ARHGAP22: variants seen among roughly 807,000 people sequenced by gnomAD.
ARHGAP22 encodes rho GTPase-activating protein 22.
A neutral mutation model predicts 59.1 loss-of-function variants in ARHGAP22; 48 were observed. That is an observed-to-expected ratio of 0.81 (90% CI 0.64 to 1.03). The LOEUF (loss-of-function observed/expected upper bound fraction) is 1.03. Among genes scored for constraint, ARHGAP22 ranks in the 50% least tolerant of loss-of-function variants. The pLI is 0.00. For missense variants in ARHGAP22, 1,015 were observed against 958.7 expected (o/e 1.06, Z -0.78); for synonymous variants, 445 against 416.4 (o/e 1.07, Z -0.84).
chr10:48,624,769 G>A (rs1173230059), intron 1 of ARHGAP22, among the ~76,000 whole-genome samples: 1 of 152,208 alleles, frequency 6.6e-6, no homozygotes, highest in Non-Finnish European at 1.5e-5. Flanking sequence ...AGCACAGGTT[G>A]GAGATCAGCT....
the ARHGAP22 span, chr10:48,436,681 A>T: frequency 2.0e-5 from 3 of 152,248 alleles, no homozygotes; most frequent in Admixed American, 6.5e-5. Context: ...GATATTTTAC[A>T]TCACTGTTAA....
chr10:48,433,298 C>A, the ARHGAP22 span, among the ~76,000 whole-genome samples: 2 of 152,222 alleles, frequency 1.3e-5, no homozygotes, highest in Admixed American at 1.3e-4. Flanking sequence ...AAATAATAGA[C>A]CCTGAACTAG....
intron 1 of ARHGAP22, among the ~76,000 whole-genome samples, chr10:48,630,288 C>T (rs1589242515): frequency 6.6e-6 from 1 of 152,098 alleles, no homozygotes; most frequent in South Asian, 2.1e-4. Context: ...GATGGGGTTT[C>T]ACCATGTTGG....
chr10:48,480,754 C>G (rs1162724536), intron 3 of ARHGAP22, among the ~76,000 whole-genome samples: 4 of 152,270 alleles, frequency 2.6e-5, no homozygotes, highest in African/African-American at 7.2e-5. Context: ...CTATTTCCAA[C>G]CACATTTTAC....
At chr10:48,646,425 T>C (rs144096571) in intron 1 of ARHGAP22, among the ~76,000 whole-genome samples, 3 of 152,354 alleles carry the variant, frequency 2.0e-5, no homozygotes, top group Admixed American at 6.5e-5. Context: ...TACCTATTTT[T>C]ACATTTTCTC....
chr10:48,580,347 C>CT (rs2059030675), intron 2 of ARHGAP22, among the ~76,000 whole-genome samples: 1 of 152,134 alleles, frequency 6.6e-6, no homozygotes, highest in East Asian at 1.9e-4. Context: ...ATAGAGGTTC[C>CT]TTATGGAGCT....
At chr10:48,550,038 G>A (rs968637251) in intron 3 of ARHGAP22, among the ~76,000 whole-genome samples, 2 of 152,178 alleles carry the variant, frequency 1.3e-5, no homozygotes, top group Admixed American at 1.3e-4. Flanking sequence ...TGTGCTGAGC[G>A]CCTTGGAACT....
At chr10:48,646,759 T>C (rs908657112) in intron 1 of ARHGAP22, among the ~76,000 whole-genome samples, 5 of 152,214 alleles carry the variant, frequency 3.3e-5, no homozygotes, top group African/African-American at 9.6e-5. Context: ...GCTCTAAATG[T>C]AGATGCTAAA....
intron 1 of ARHGAP22, among the ~76,000 whole-genome samples, chr10:48,643,232 T>C (rs547749148): frequency 9.2e-5 from 14 of 152,290 alleles, no homozygotes; most frequent in Non-Finnish European, 1.3e-4. Flanking sequence ...AGCCATCCCA[T>C]TACTGGGTAT....
In ARHGAP22 at chr10:48,591,275, G is replaced by A. The variant is rs550027014; in HGVS notation, c.35-8123C>T. Among the ~76,000 whole-genome samples, 10 of 152,320 alleles carry A rather than the reference G, an allele frequency of 6.6e-5. No homozygotes were observed. In the South Asian group the frequency reaches 2.1e-3, roughly 32 times the overall value. On this transcript the variant is annotated intron_variant, in intron 1 of 9. Transcript: ENST00000249601. ...GTCAAAACCCTGGGTGTAGGCAAATGGAATTCAAGTACCCAAAGGTTCATT... is the reference window on the plus strand; with the variant it reads ...GTCAAAACCCTGGGTGTAGGCAAATAGAATTCAAGTACCCAAAGGTTCATT...
At chr10:48,576,926 G>A (rs1380519727) in intron 2 of ARHGAP22, among the ~76,000 whole-genome samples, 5 of 21,106 alleles carry the variant, frequency 2.4e-4, no homozygotes, top group South Asian at 3.6e-3. Flanking sequence ...GCCACCCACC[G>A]CCACCCAACC....
chr10:48,528,946 G>T (rs188364570), intron 3 of ARHGAP22, among the ~76,000 whole-genome samples: 82 of 152,274 alleles, frequency 5.4e-4, no homozygotes, highest in African/African-American at 1.2e-3. Flanking sequence ...TGTACAGCCC[G>T]CAGAACTTTG....
At chr10:48,567,146 C>A (rs1043027910) in intron 2 of ARHGAP22, among the ~76,000 whole-genome samples, 1 of 152,196 alleles carries the variant, frequency 6.6e-6, no homozygotes, top group Non-Finnish European at 1.5e-5. Context: ...AAACAGGGTG[C>A]CTGTGACTTG....
At chr10:48,573,493 G>C (rs925240424) in intron 2 of ARHGAP22, among the ~76,000 whole-genome samples, 1 of 152,168 alleles carries the variant, frequency 6.6e-6, no homozygotes, top group Non-Finnish European at 1.5e-5. Context: ...CCACGAGTCT[G>C]GACTCCTAAT....
At chr10:48,605,091 T>G, upstream of ARHGAP22, 3 of 1,262,836 alleles carry the variant, frequency 2.4e-6, no homozygotes, top group Non-Finnish European at 2.0e-6. Context: ...GGCGGGGCAG[T>G]CCCTCCGCCT....
chr10:48,528,083 G>C (rs2054495778), intron 3 of ARHGAP22, among the ~76,000 whole-genome samples: 1 of 152,194 alleles, frequency 6.6e-6, no homozygotes, highest in African/African-American at 2.4e-5. Context: ...TGGGTGGTGA[G>C]AATGTCAAGC....
intron 1 of ARHGAP22, among the ~76,000 whole-genome samples, chr10:48,621,004 AAGAGCAGGATGTGC>A (rs762833337): frequency 1.3e-5 from 2 of 152,262 alleles, no homozygotes; most frequent in Non-Finnish European, 2.9e-5. Flanking sequence ...TCAAGAGGTG[AAGAGCAGGATGTGC>A]AGAGCACTCT....
At chr10:48,432,106 T>C in the ARHGAP22 span, among the ~76,000 whole-genome samples, 171 of 152,342 alleles carry the variant, frequency 1.1e-3, 1 homozygote, top group African/African-American at 3.9e-3. Context: ...CTTCTCTGGC[T>C]ACAGAGGTTA....
At position 48,643,760 on chromosome 10, in the gene ARHGAP22, A is replaced by ATAT. The variant is rs1413615446; in HGVS notation, c.52+8473_52+8474insATA. Among the ~76,000 whole-genome samples, 147 of 141,336 alleles carry ATAT rather than the reference A, an allele frequency of 1.0e-3. 1 individual carries two copies. Among genetic ancestry groups the ATAT allele is most frequent in the African/African-American group, 3.7e-3 (133 of 35,744 alleles). The allele number at this position is 141,336 out of a possible 152,430, so 92.7% of individuals were successfully genotyped here. A position where few individuals can be genotyped will look rare whatever the true frequency, so the allele number is the denominator to read the frequency against. On this transcript the variant is annotated intron_variant, in intron 1 of 9. Coordinates refer to the ARHGAP22 transcript ENST00000435790. ...AGAACTTAAAGTATAATTAAAAAAA[A>ATAT]AAAAATATATATATATATATATGCC... is the stretch of plus-strand genomic sequence containing the variant.
Sources: gnomAD v4.1 joint callset for allele counts (sites outside exome capture counted in the v4.1 genomes callset) on GRCh38, gnomAD v4.1.1 for gene constraint, MANE v1.5 for transcripts, NCBI Gene and HGNC (gene_info 2026-07-23, HGNC 2026-07-21) for gene names.